CDH8: variants seen among roughly 807,000 people sequenced by gnomAD.
CDH8 encodes the protein cadherin-8.
Under a neutral mutation model 68.1 loss-of-function variants are expected in CDH8, and 17 were observed. That is an observed-to-expected ratio of 0.25 (90% CI 0.17 to 0.37). The LOEUF (loss-of-function observed/expected upper bound fraction) is 0.37. Among genes scored for constraint, CDH8 ranks in the 10% least tolerant of loss-of-function variants. CDH8 has a pLI of 1.00. For missense variants in CDH8, 763 were observed against 999.3 expected (o/e 0.76, Z 3.19); for synonymous variants, 372 against 365.1 (o/e 1.02, Z -0.21).
At chr16:61,801,556 G>C (rs562221398) in intron 7 of CDH8, among the ~76,000 whole-genome samples, 3 of 152,172 alleles carry the variant, frequency 2.0e-5, no homozygotes, top group Non-Finnish European at 2.9e-5. Flanking sequence ...CTGAGGTACC[G>C]GGTTTCTCTC....
chr16:61,878,309 A>G (rs561551466), intron 3 of CDH8, among the ~76,000 whole-genome samples: 2 of 152,346 alleles, frequency 1.3e-5, no homozygotes, highest in African/African-American at 4.8e-5. Flanking sequence ...TGAGTGAATG[A>G]GAAATGAATG....
intron 2 of CDH8, among the ~76,000 whole-genome samples, chr16:61,955,196 A>T (rs531915707): frequency 2.0e-5 from 3 of 152,352 alleles, no homozygotes; most frequent in Admixed American, 2.0e-4. Flanking sequence ...AATCAAGGTT[A>T]GCCTAAAGCT....
At chr16:61,846,598 T>C (rs1457638405) in intron 4 of CDH8, among the ~76,000 whole-genome samples, 1 of 152,128 alleles carries the variant, frequency 6.6e-6, no homozygotes, top group African/African-American at 2.4e-5. Context: ...GTGACAGAAG[T>C]GGTCAGAAAA....
intron 10 of CDH8, among the ~76,000 whole-genome samples, chr16:61,675,673 G>T (rs893945442): frequency 6.7e-6 from 1 of 150,170 alleles, no homozygotes; most frequent in African/African-American, 2.4e-5. Flanking sequence ...TTTAAGAAAT[G>T]CATATTGACT....
chr16:61,807,510 A>G (rs1267032025), intron 7 of CDH8, among the ~76,000 whole-genome samples: 2 of 152,132 alleles, frequency 1.3e-5, no homozygotes, highest in Admixed American at 6.5e-5. Flanking sequence ...AAAAACAAAC[A>G]AACAAACAAA....
chr16:61,892,219 T>C (rs772731776), intron 3 of CDH8, among the ~76,000 whole-genome samples: 14 of 152,180 alleles, frequency 9.2e-5, no homozygotes, highest in Non-Finnish European at 1.9e-4. Context: ...TTTTACTATT[T>C]AGCTGCTTGC....
At chr16:61,768,385 T>TCC (rs1960681095) in intron 8 of CDH8, among the ~76,000 whole-genome samples, 8 of 91,086 alleles carry the variant, frequency 8.8e-5, no homozygotes, top group Non-Finnish European at 1.6e-4. Context: ...TCTCTCTCTC[T>TCC]CTCTCTCTCC....
intron 2 of CDH8, among the ~76,000 whole-genome samples, chr16:61,962,599 T>C (rs1011868135): frequency 2.6e-5 from 4 of 152,224 alleles, no homozygotes; most frequent in Admixed American, 6.5e-5. Context: ...CAGGAGTTAA[T>C]GAGCTTTGAC....
chr16:61,901,538 C>A (rs951693130), intron 2 of CDH8, 65 bp from the exon 3 acceptor site: 13 of 1,151,316 alleles, frequency 1.1e-5, no homozygotes, highest in South Asian at 4.4e-5. Flanking sequence ...TTAACTACCT[C>A]CTTTTTGAAT....
chr16:61,803,543 C>T (rs1293719818), intron 7 of CDH8, among the ~76,000 whole-genome samples: 2 of 151,936 alleles, frequency 1.3e-5, no homozygotes, highest in Admixed American at 1.3e-4. Flanking sequence ...AGAGTCAAGA[C>T]CCATCAGTGT....
intron 10 of CDH8, among the ~76,000 whole-genome samples, chr16:61,659,510 A>G (rs1447116724): frequency 6.6e-6 from 1 of 152,244 alleles, no homozygotes; most frequent in East Asian, 1.9e-4. Flanking sequence ...CTAAGTCAGT[A>G]TGGTCAAGAG....
intron 8 of CDH8, among the ~76,000 whole-genome samples, chr16:61,755,920 A>T (rs1391255447): frequency 6.6e-6 from 1 of 152,012 alleles, no homozygotes; most frequent in Non-Finnish European, 1.5e-5. Context: ...TCGCTGGTTC[A>T]AGCGATTCTT....
chr16:61,852,881 C>CCTTCCATT (rs1555515269), intron 4 of CDH8, among the ~76,000 whole-genome samples: 23 of 134,746 alleles, frequency 1.7e-4, no homozygotes, highest in African/African-American at 5.8e-4. Context: ...TTCCTTCCTT[C>CCTTCCATT]CTTCCTTCCT....
intron 10 of CDH8, among the ~76,000 whole-genome samples, chr16:61,682,932 C>A (rs1320094968): frequency 6.6e-6 from 1 of 151,850 alleles, no homozygotes; most frequent in Non-Finnish European, 1.5e-5. Flanking sequence ...AACAGAGAAC[C>A]TAAATAAAAT....
chr16:61,688,048 C>G (rs193162043), intron 10 of CDH8, among the ~76,000 whole-genome samples: 1 of 152,102 alleles, frequency 6.6e-6, no homozygotes, highest in African/African-American at 2.4e-5. Context: ...ATTTATTTCT[C>G]TCTGCATCCA....
intron 2 of CDH8, among the ~76,000 whole-genome samples, chr16:61,974,703 G>A (rs116787764): frequency 0.015 from 2,208 of 152,152 alleles, 50 homozygotes; most frequent in African/African-American, 0.049. Context: ...TTGTTTCAGC[G>A]TCTTAAGTGG....
At chr16:61,832,803 C>G (rs1962489323) in intron 4 of CDH8, among the ~76,000 whole-genome samples, 1 of 151,520 alleles carries the variant, frequency 6.6e-6, no homozygotes, top group Non-Finnish European at 1.5e-5. Flanking sequence ...CAAATGATTA[C>G]ATTATAATAA....
intron 10 of CDH8, among the ~76,000 whole-genome samples, chr16:61,680,585 T>A (rs1963993782): frequency 6.6e-6 from 1 of 151,772 alleles, no homozygotes; most frequent in East Asian, 1.9e-4. Flanking sequence ...ATTTTTTTAA[T>A]ACTTATAAAT....
At chr16:61,737,493 T>G (rs1959729394) in intron 8 of CDH8, among the ~76,000 whole-genome samples, 1 of 152,130 alleles carries the variant, frequency 6.6e-6, no homozygotes, top group Admixed American at 6.5e-5. Context: ...ATAAAATTGA[T>G]GGGAATTTGA....
Sources: allele counts gnomAD v4.1 joint callset (sites outside exome capture counted in the v4.1 genomes callset), GRCh38; gene constraint gnomAD v4.1.1; transcripts MANE v1.5; gene names NCBI Gene and HGNC (gene_info 2026-07-23, HGNC 2026-07-21).